The following EDIL3 variants were observed in gnomAD, a reference collection of about 807,000 sequenced individuals.
EDIL3 encodes the protein EGF like and discoidin domains 3.
EDIL3 carries 37 observed loss-of-function variants against 67.4 expected under a neutral mutation model. The observed-to-expected ratio is 0.55, with a 90% CI of 0.42 to 0.72. The LOEUF (loss-of-function observed/expected upper bound fraction) is 0.72. Ranked by LOEUF, EDIL3 falls within the 30% of genes least tolerant of loss-of-function variation. EDIL3 has a pLI of 0.00. For synonymous variants in EDIL3, 195 were observed against 196.3 expected, an observed-to-expected ratio of 0.99 and a Z score of 0.05; for missense variants, 527 against 586.3, an observed-to-expected ratio of 0.90 and a Z score of 1.04.
At chr5:84,230,704 G>T (rs1240901593) in intron 2 of EDIL3, among the ~76,000 whole-genome samples, 1 of 150,852 alleles carries the variant, frequency 6.6e-6, no homozygotes, top group African/African-American at 2.4e-5. Context: ...ACCGAACCCG[G>T]CCTGGACTTT....
At chr5:84,269,830 A>G (rs1162949635) in intron 1 of EDIL3, among the ~76,000 whole-genome samples, 1 of 152,154 alleles carries the variant, frequency 6.6e-6, no homozygotes, top group African/African-American at 2.4e-5. Context: ...TTTCCAAACT[A>G]CCTGGCCTGC....
intron 5 of EDIL3, among the ~76,000 whole-genome samples, chr5:84,121,506 C>T (rs1392920349): frequency 6.6e-6 from 1 of 151,234 alleles, no homozygotes; most frequent in African/African-American, 2.4e-5. Flanking sequence ...AATAAACTTC[C>T]CCATTATCTG....
chr5:84,076,493 G>C (rs954590527), intron 6 of EDIL3, among the ~76,000 whole-genome samples: 8 of 152,042 alleles, frequency 5.3e-5, no homozygotes, highest in Non-Finnish European at 1.2e-4. Context: ...ACCCATGCAT[G>C]GTTTTGTAAC....
At chr5:83,992,258 T>C (rs926493529) in intron 9 of EDIL3, among the ~76,000 whole-genome samples, 1 of 152,184 alleles carries the variant, frequency 6.6e-6, no homozygotes, top group African/African-American at 2.4e-5. Context: ...TGAAAGAGTA[T>C]AACAATTGTG....
intron 1 of EDIL3, among the ~76,000 whole-genome samples, chr5:84,322,030 T>G (rs889586067): frequency 1.8e-4 from 27 of 151,752 alleles, no homozygotes; most frequent in African/African-American, 6.5e-4. Context: ...ATTCTCGTTA[T>G]AAAGACAGCA....
intron 1 of EDIL3, among the ~76,000 whole-genome samples, chr5:84,314,127 C>T (rs1053571835): frequency 1.3e-5 from 2 of 151,870 alleles, no homozygotes; most frequent in Non-Finnish European, 2.9e-5. Flanking sequence ...ACCAGGGAGG[C>T]GGAGGTTGCA....
chr5:83,970,256 T>TTATATATATATATATATATATATATATA (rs60143474), intron 9 of EDIL3, among the ~76,000 whole-genome samples: 2 of 128,534 alleles, frequency 1.6e-5, no homozygotes, highest in Non-Finnish European at 3.2e-5. Flanking sequence ...GTGTCACTAA[T>TTATATATATATATATATATATATATATA]TATATATATA....
chr5:84,356,038 C>T (rs1036709274), intron 1 of EDIL3, among the ~76,000 whole-genome samples: 49 of 152,166 alleles, frequency 3.2e-4, no homozygotes, highest in African/African-American at 1.2e-3. Flanking sequence ...AGCAGATGGC[C>T]GATTTATCTC....
chr5:83,990,186 G>C (rs1745125288), intron 9 of EDIL3, among the ~76,000 whole-genome samples: 1 of 152,102 alleles, frequency 6.6e-6, no homozygotes, highest in Admixed American at 6.6e-5. Flanking sequence ...TTGTTATGCA[G>C]CATTAGAAAA....
chr5:84,017,824 G>A (rs1243155935), intron 9 of EDIL3, among the ~76,000 whole-genome samples: 1 of 151,870 alleles, frequency 6.6e-6, no homozygotes, highest in Non-Finnish European at 1.5e-5. Flanking sequence ...TTCCAGGAAA[G>A]TTTCTCTAAT....
intron 9 of EDIL3, among the ~76,000 whole-genome samples, chr5:84,050,436 C>A (rs2112223649): frequency 6.6e-6 from 1 of 152,270 alleles, no homozygotes; most frequent in African/African-American, 2.4e-5. Flanking sequence ...GTACCAGGTT[C>A]ATCTCACTGG....
At chr5:84,297,110 A>C in intron 1 of EDIL3, among the ~76,000 whole-genome samples, 1 of 145,922 alleles carries the variant, frequency 6.9e-6, no homozygotes, top group South Asian at 2.3e-4. Context: ...TGAACCCAGG[A>C]GGCAAAGCTT....
chr5:84,079,701 T>G (rs1370478250), intron 6 of EDIL3, among the ~76,000 whole-genome samples: 1 of 151,966 alleles, frequency 6.6e-6, no homozygotes, highest in East Asian at 1.9e-4. Flanking sequence ...CAGAAATAAC[T>G]TGAGCTTCCC....
chr5:84,249,411 C>G (rs1405475911), intron 2 of EDIL3, among the ~76,000 whole-genome samples: 1 of 151,134 alleles, frequency 6.6e-6, no homozygotes, highest in East Asian at 1.9e-4. Flanking sequence ...ATCTATCTAT[C>G]TATCTATCTA....
intron 1 of EDIL3, among the ~76,000 whole-genome samples, chr5:84,293,995 G>C (rs1198193645): frequency 6.6e-6 from 1 of 151,828 alleles, no homozygotes; most frequent in Non-Finnish European, 1.5e-5. Context: ...TAAAATACAT[G>C]AAGTATGGCA....
At chr5:84,237,525 T>C (rs992237581) in intron 2 of EDIL3, among the ~76,000 whole-genome samples, 1 of 152,116 alleles carries the variant, frequency 6.6e-6, no homozygotes, top group African/African-American at 2.4e-5. Flanking sequence ...ATGGCATAAT[T>C]TGTTTCACTA....
rs1174231035 is a variant in EDIL3 at position 83,942,291 on chromosome 5, T to G, written c.*1128A>C. On this transcript the variant is annotated 3_prime_UTR_variant, in exon 11 of 11. Coordinates refer to ENST00000296591, the MANE Select transcript of EDIL3 (RefSeq NM_005711.5). ...TTACTACTTTGTCATTAGTAAACAC[T>G]TTGCTTCTCACAAATAACTCCACCT... 1 of 152,050 alleles carries G rather than the reference T, an allele frequency of 6.6e-6. No individual in the cohort carries two copies. The highest frequency in any genetic ancestry group is 1.5e-5 in the Non-Finnish European group (1 of 67,960). 9.4% of individuals were successfully genotyped at this position (152,050 alleles called of 1,614,324 possible).
intron 9 of EDIL3, among the ~76,000 whole-genome samples, chr5:84,006,575 G>A (rs1745421298): frequency 6.6e-6 from 1 of 152,082 alleles, no homozygotes; most frequent in Non-Finnish European, 1.5e-5. Flanking sequence ...CTACTTGAGA[G>A]CAGAGGTTGG....
intron 9 of EDIL3, among the ~76,000 whole-genome samples, chr5:84,021,952 TG>T (rs1048029701): frequency 5.9e-5 from 9 of 151,914 alleles, no homozygotes; most frequent in African/African-American, 2.2e-4. Flanking sequence ...ATGAAATCAT[TG>T]CCTAATTCTA....
Sources: allele counts gnomAD v4.1 joint callset (sites outside exome capture counted in the v4.1 genomes callset), GRCh38; gene constraint gnomAD v4.1.1; transcripts MANE v1.5; gene names NCBI Gene and HGNC (gene_info 2026-07-23, HGNC 2026-07-21).